Variants in NEGR1 observed in about 807,000 individuals in gnomAD.
NEGR1 encodes the protein neuronal growth regulator 1.
Under a neutral mutation model 40.9 loss-of-function variants are expected in NEGR1, and 10 were observed. The observed-to-expected ratio is 0.24, with a 90% CI of 0.15 to 0.42. NEGR1 has a LOEUF of 0.42. Among genes scored for constraint, NEGR1 ranks in the 10% least tolerant of loss-of-function variants. The pLI, the probability that NEGR1 is intolerant of heterozygous loss-of-function variation, is 1.00. For synonymous variants in NEGR1, 185 were observed against 166.8 expected (o/e 1.11, Z -0.84); for missense variants, 352 against 438.9 (o/e 0.80, Z 1.77).
At chr1:71,637,629 A>G (rs1651199281) in intron 4 of NEGR1, among the ~76,000 whole-genome samples, 4 of 152,022 alleles carry the variant, frequency 2.6e-5, no homozygotes, top group Admixed American at 6.6e-5. Flanking sequence ...TAGAATAGGG[A>G]AGCAGTCGCA....
At chr1:72,021,558 C>T (rs1341723207) in intron 1 of NEGR1, among the ~76,000 whole-genome samples, 2 of 151,814 alleles carry the variant, frequency 1.3e-5, no homozygotes, top group African/African-American at 4.8e-5. Context: ...AAAAAAGAAA[C>T]ATAATTAGAG....
intron 1 of NEGR1, among the ~76,000 whole-genome samples, chr1:72,067,154 G>A (rs980081629): frequency 6.6e-6 from 1 of 152,052 alleles, no homozygotes; most frequent in Non-Finnish European, 1.5e-5. Flanking sequence ...GGAAAAGATC[G>A]ATTTGATTTG....
At chr1:72,143,916 T>TATATATATATATATATATGATATATATA (rs1650795150) in intron 1 of NEGR1, among the ~76,000 whole-genome samples, 2 of 25,804 alleles carry the variant, frequency 7.8e-5, no homozygotes, top group African/African-American at 1.3e-4. Flanking sequence ...ATATATATAA[T>TATATATATATATATATATGATATATATA]ATATATATAT....
chr1:71,982,846 G>T lies in NEGR1; in HGVS notation c.177-47535C>A, dbSNP rs1314556476. On this transcript the variant is annotated intron_variant, in intron 1 of 6. Coordinates refer to ENST00000357731, the MANE Select transcript of NEGR1 (RefSeq NM_173808.3). The stretch of plus-strand genomic sequence containing the variant: ...TTATAAAACTCTATTTCGAAGAGGA[G>T]AAATACCTGAAGGGCTAAACATGCA... Among the ~76,000 whole-genome samples, 4 of 152,196 alleles carry T rather than the reference G, an allele frequency of 2.6e-5. No individual in the cohort carries two copies. The East Asian group carries it at 5.8e-4, about 22-fold the overall frequency.
At chr1:71,739,973 A>C (rs955825550) in intron 3 of NEGR1, among the ~76,000 whole-genome samples, 2 of 152,122 alleles carry the variant, frequency 1.3e-5, no homozygotes, top group African/African-American at 2.4e-5. Flanking sequence ...ATGACACTCC[A>C]CTCCAGACAT....
chr1:71,751,412 C>T lies in NEGR1; in HGVS notation c.535+24760G>A, dbSNP rs184360145. ...ATGATCAACATTTAACACAATGAAT[C>T]CCTGTTAAGGGCATTTAAGAGGCTC... On this transcript the variant is annotated intron_variant, in intron 3 of 6. Coordinates refer to ENST00000357731, the MANE Select transcript of NEGR1 (RefSeq NM_173808.3). Among the ~76,000 whole-genome samples, 16 of 152,262 alleles carry T rather than the reference C, an allele frequency of 1.1e-4. No individual in the cohort carries two copies. The East Asian group carries it at 2.3e-3, about 22-fold the overall frequency.
chr1:72,125,070 T>C (rs1157859259), intron 1 of NEGR1, among the ~76,000 whole-genome samples: 2 of 152,068 alleles, frequency 1.3e-5, no homozygotes, highest in Admixed American at 1.3e-4. Flanking sequence ...ACAACTTCAG[T>C]AAAGAATTAG....
chr1:71,895,237 C>T (rs547603216), intron 2 of NEGR1, among the ~76,000 whole-genome samples: 1 of 152,232 alleles, frequency 6.6e-6, no homozygotes, highest in African/African-American at 2.4e-5. Context: ...CTTACTATTT[C>T]CTAGGTACAG....
intron 4 of NEGR1, among the ~76,000 whole-genome samples, chr1:71,611,486 T>G (rs1207639123): frequency 1.3e-5 from 2 of 152,148 alleles, no homozygotes; most frequent in African/African-American, 4.8e-5. Context: ...ATCTATTGAG[T>G]GATCACAGGG....
chr1:71,744,794 T>C (rs1655331772), intron 3 of NEGR1, among the ~76,000 whole-genome samples: 1 of 152,210 alleles, frequency 6.6e-6, no homozygotes, highest in Non-Finnish European at 1.5e-5. Flanking sequence ...ATATTAAAAA[T>C]CATTATTCTT....
At chr1:72,128,798 T>C (rs965722090) in intron 1 of NEGR1, among the ~76,000 whole-genome samples, 4 of 152,176 alleles carry the variant, frequency 2.6e-5, no homozygotes, top group Non-Finnish European at 5.9e-5. Context: ...ATGCCCGTGA[T>C]GGTGTTTCTC....
At chr1:71,800,637 G>A (rs573421236) in intron 2 of NEGR1, among the ~76,000 whole-genome samples, 2 of 152,164 alleles carry the variant, frequency 1.3e-5, no homozygotes, top group South Asian at 4.2e-4. Context: ...CTTTCCACAT[G>A]GTAGCCTCTG....
chr1:72,117,533 C>G (rs1360490460), intron 1 of NEGR1, among the ~76,000 whole-genome samples: 1 of 151,674 alleles, frequency 6.6e-6, no homozygotes, highest in Non-Finnish European at 1.5e-5. Context: ...TAACTATGTT[C>G]TCTGGGGAGG....
intron 2 of NEGR1, among the ~76,000 whole-genome samples, chr1:71,781,878 A>T (rs1656729497): frequency 6.6e-6 from 1 of 152,200 alleles, no homozygotes; most frequent in Non-Finnish European, 1.5e-5. Context: ...AAGTGATGCC[A>T]ACTCTTTGAT....
intron 6 of NEGR1, among the ~76,000 whole-genome samples, chr1:71,498,893 C>T (rs1646982388): frequency 6.6e-6 from 1 of 152,108 alleles, no homozygotes; most frequent in Non-Finnish European, 1.5e-5. Context: ...AGCTGCCTGC[C>T]AGGTCTCTTG....
At chr1:72,031,434 A>C (rs1366346154) in intron 1 of NEGR1, among the ~76,000 whole-genome samples, 1 of 152,154 alleles carries the variant, frequency 6.6e-6, no homozygotes, top group Admixed American at 6.5e-5. Context: ...ATTTTGTTTG[A>C]AAATTAAGCA....
chr1:71,454,211 T>G (rs985215807), intron 6 of NEGR1, among the ~76,000 whole-genome samples: 3 of 152,236 alleles, frequency 2.0e-5, no homozygotes, highest in Non-Finnish European at 4.4e-5. Context: ...TTTGCTAACT[T>G]GAAGCATTTC....
chr1:72,170,861 C>G (rs530860380), intron 1 of NEGR1, among the ~76,000 whole-genome samples: 273 of 152,246 alleles, frequency 1.8e-3, no homozygotes, highest in Non-Finnish European at 2.7e-3. Flanking sequence ...AAGACCCCTA[C>G]TAATTTGAGT....
intron 1 of NEGR1, among the ~76,000 whole-genome samples, chr1:72,080,344 C>T (rs1251519520): frequency 1.3e-5 from 2 of 151,980 alleles, no homozygotes; most frequent in East Asian, 3.9e-4. Flanking sequence ...ACAAAAGTCT[C>T]ATTCCAGAAA....
Sources: gnomAD v4.1 joint callset for allele counts (sites outside exome capture counted in the v4.1 genomes callset) on GRCh38, gnomAD v4.1.1 for gene constraint, MANE v1.5 for transcripts, NCBI Gene and HGNC (gene_info 2026-07-23, HGNC 2026-07-21) for gene names.